CYP3A4: variants seen among roughly 807,000 people sequenced by gnomAD.
CYP3A4 encodes cytochrome P450 family 3 subfamily A member 4.
CYP3A4 carries 41 observed loss-of-function variants against 54.9 expected under a neutral mutation model. The ratio of observed to expected loss-of-function variants is 0.75; its 90% CI spans 0.58 to 0.97. The LOEUF is 0.97. Among genes scored for constraint, CYP3A4 ranks in the 50% least tolerant of loss-of-function variants. CYP3A4 has a pLI of 0.00. For synonymous variants in CYP3A4, 179 were observed against 205.2 expected (o/e 0.87, Z 1.09); for missense variants, 510 against 597.3 (o/e 0.85, Z 1.52).
At chr7:99,762,985 C>G (rs536794358) in intron 10 of CYP3A4, among the ~76,000 whole-genome samples, 100 of 152,302 alleles carry the variant, frequency 6.6e-4, no homozygotes, top group Non-Finnish European at 1.1e-3. Context: ...TGATATGCAC[C>G]TAGTATTTGG....
At chr7:99,771,094 A>C (rs1815623068) in intron 4 of CYP3A4, among the ~76,000 whole-genome samples, 2 of 152,208 alleles carry the variant, frequency 1.3e-5, no homozygotes, top group Admixed American at 1.3e-4. Flanking sequence ...ACATTTACTC[A>C]ACATTATACT....
rs34898870 is a variant in CYP3A4, at chr7:99,779,256, G to A, written c.165+736C>T. On this transcript the variant is annotated intron_variant, in intron 2 of 12. Coordinates refer to ENST00000651514, the MANE Select transcript of CYP3A4 (RefSeq NM_017460.6). ...AAAAAAAACCCCACAAACTCATTTT[G>A]TGCTTAAATATCTGAGTTTGATTGA... Among the ~76,000 whole-genome samples the A allele has an allele frequency of 1.8e-3, 272 of 151,804 alleles. 1 individual carries two copies. The highest frequency in any genetic ancestry group is 6.3e-3 in the African/African-American group (261 of 41,432).
intron 1 of CYP3A4, among the ~76,000 whole-genome samples, chr7:99,781,895 G>A (rs556767318): frequency 6.6e-6 from 1 of 152,174 alleles, no homozygotes; most frequent in African/African-American, 2.4e-5. Context: ...GACAGTATAG[G>A]TTCCAAATAT....
intron 5 of CYP3A4, 74 bp from the exon 6 acceptor site, chr7:99,769,930 G>A: frequency 6.2e-7 from 1 of 1,602,896 alleles, no homozygotes; most frequent in Non-Finnish European, 8.5e-7. Flanking sequence ...GCTTTCCCCA[G>A]CATGGAGCAG....
intron 1 of CYP3A4, 106 bp from the exon 2 acceptor site, chr7:99,780,191 C>T: frequency 9.0e-7 from 1 of 1,108,308 alleles, no homozygotes; most frequent in Non-Finnish European, 1.3e-6. Flanking sequence ...AACGAGGTAA[C>T]ATTAAGGCAA....
chr7:99,757,896 G>C lies in CYP3A4; in HGVS notation c.*237C>G. On this transcript the variant is annotated 3_prime_UTR_variant, in exon 13 of 13. Transcript: ENST00000651514. ...GGTGGAAATAGTCCCGTGAGAAGCAGAGGAGCCAAATCTACCTCCTCACAC... is the reference window on the plus strand; with the variant it reads ...GGTGGAAATAGTCCCGTGAGAAGCACAGGAGCCAAATCTACCTCCTCACAC... 2.2e-6 allele frequency: 1 copy of C among 454,350 alleles called. No homozygotes were observed. Among genetic ancestry groups the C allele is most frequent in the Non-Finnish European group, 4.0e-6 (1 of 249,668 alleles). 28.1% of individuals were successfully genotyped at this position (454,350 alleles called of 1,614,324 possible).
At position 99,779,973 on chromosome 7, in the gene CYP3A4, T is replaced by G; in HGVS notation, c.165+19A>C. On this transcript the variant is annotated intron_variant, in intron 2 of 12. Coordinates refer to ENST00000651514, the MANE Select transcript of CYP3A4 (RefSeq NM_017460.6). ...TTGGCAATCATAAGAAGCAAAAGAG[T>G]GAGCTCAAAAACACTCACCTTATGG... 3.7e-6 allele frequency: 6 copies of G among 1,601,166 alleles called. No homozygotes were observed. The highest frequency in any genetic ancestry group is 5.1e-6 in the Non-Finnish European group (6 of 1,168,842).
intron 3 of CYP3A4, among the ~76,000 whole-genome samples, chr7:99,775,348 G>T (rs1454363784): frequency 6.6e-6 from 1 of 151,958 alleles, no homozygotes; most frequent in Non-Finnish European, 1.5e-5. Context: ...CTACTTTAAA[G>T]TTCATATGGA....
chr7:99,769,458 T>A (rs1233383018), intron 6 of CYP3A4: 6 of 380,108 alleles, frequency 1.6e-5, no homozygotes, highest in Non-Finnish European at 2.5e-5. Context: ...CACTCCATGC[T>A]TAAAACTTTG....
At chr7:99,761,908 T>TA (rs1296052035) in intron 11 of CYP3A4, 133 bp downstream of exon 11, 9 of 867,312 alleles carry the variant, frequency 1.0e-5, no homozygotes, top group African/African-American at 1.7e-5. Context: ...ATTTGATGAT[T>TA]AAAAAAATCT....
intron 1 of CYP3A4, among the ~76,000 whole-genome samples, chr7:99,783,747 T>C (rs1233668594): frequency 1.3e-5 from 2 of 151,022 alleles, no homozygotes; most frequent in Non-Finnish European, 2.9e-5. Flanking sequence ...TAGCTGGGAA[T>C]ACAGGCGTGC....
intron 10 of CYP3A4, among the ~76,000 whole-genome samples, chr7:99,762,968 G>A (rs1456851087): frequency 6.6e-6 from 1 of 152,202 alleles, no homozygotes; most frequent in Non-Finnish European, 1.5e-5. Context: ...TCTGAAAACA[G>A]TGTGGGTGAT....
chr7:99,770,060 A>T (rs1363566325), intron 5 of CYP3A4, 62 bp downstream of exon 5: 1 of 1,563,088 alleles, frequency 6.4e-7, no homozygotes, highest in Non-Finnish European at 8.8e-7. Flanking sequence ...ATCTTATTTT[A>T]TACCTGTCCC....
At chr7:99,770,617 G>C (rs1337425641) in intron 4 of CYP3A4, among the ~76,000 whole-genome samples, 1 of 152,112 alleles carries the variant, frequency 6.6e-6, no homozygotes, top group Non-Finnish European at 1.5e-5. Context: ...AGGTGACTTT[G>C]GTGGATTGTA....
At chr7:99,777,985 C>T in intron 3 of CYP3A4, 43 bp downstream of exon 3, 1 of 1,530,548 alleles carries the variant, frequency 6.5e-7, no homozygotes, top group Non-Finnish European at 9.1e-7. Flanking sequence ...GTAAACTCAT[C>T]ATAGAAACAA....
chr7:99,783,408 A>G (rs1272046706), intron 1 of CYP3A4, among the ~76,000 whole-genome samples: 3 of 152,244 alleles, frequency 2.0e-5, no homozygotes, highest in Admixed American at 1.3e-4. Context: ...ATCCGTCACT[A>G]CTTTCCTTCC....
chr7:99,764,624 C>T (rs931236622), intron 9 of CYP3A4, among the ~76,000 whole-genome samples: 3 of 152,192 alleles, frequency 2.0e-5, no homozygotes, highest in Admixed American at 6.5e-5. Flanking sequence ...TCAAACCCCA[C>T]CCTTGAACTA....
chr7:99,783,809 A>T (rs193263350), intron 1 of CYP3A4, among the ~76,000 whole-genome samples: 2 of 152,146 alleles, frequency 1.3e-5, no homozygotes, highest in East Asian at 3.9e-4. Context: ...GAGTTTCACC[A>T]TGTTAGCCAG....
intron 11 of CYP3A4, among the ~76,000 whole-genome samples, chr7:99,761,348 A>G (rs1484047509): frequency 2.0e-5 from 3 of 152,340 alleles, no homozygotes; most frequent in Admixed American, 6.5e-5. Context: ...TCACACTTAC[A>G]TTGGTCATGA....
Sources: gnomAD v4.1 joint callset for allele counts (sites outside exome capture counted in the v4.1 genomes callset) on GRCh38, gnomAD v4.1.1 for gene constraint, MANE v1.5 for transcripts, NCBI Gene and HGNC (gene_info 2026-07-23, HGNC 2026-07-21) for gene names.